The following RPS6KA2 variants were observed in gnomAD, a reference collection of about 807,000 sequenced individuals.
RPS6KA2 encodes ribosomal protein S6 kinase A2.
In RPS6KA2, 42 loss-of-function variants were observed where a neutral mutation model predicts 91.8. That is an observed-to-expected ratio of 0.46 (90% confidence interval 0.36 to 0.59). The LOEUF (loss-of-function observed/expected upper bound fraction) is 0.59, where lower values mean the gene tolerates loss of function less well. Ranked by LOEUF, RPS6KA2 falls within the 20% of genes least tolerant of loss-of-function variation. The probability of loss-of-function intolerance (pLI) is 0.00; values close to 1 mark genes in which losing one functional copy is unlikely to be tolerated. For missense variants in RPS6KA2, 798 were observed against 978.5 expected, an observed-to-expected ratio of 0.82 and a Z score of 2.46; for synonymous variants, 414 against 393.6, an observed-to-expected ratio of 1.05 and a Z score of -0.61.
intron 20 of RPS6KA2, among the ~76,000 whole-genome samples, chr6:166,413,189 G>C (rs995361885): frequency 1.3e-5 from 2 of 151,946 alleles, no homozygotes; most frequent in Admixed American, 6.5e-5. Context: ...CTGAGGTCAC[G>C]TGATCCCCTG....
intron 11 of RPS6KA2, chr6:166,463,128 A>G (rs1261869129): frequency 1.3e-5 from 2 of 152,400 alleles, no homozygotes; most frequent in Non-Finnish European, 2.9e-5. Flanking sequence ...AGGCCGGTCA[A>G]TGTCTTCCTG....
intron 2 of RPS6KA2, among the ~76,000 whole-genome samples, chr6:166,531,772 C>T (rs1188627122): frequency 6.8e-6 from 1 of 147,660 alleles, no homozygotes; most frequent in African/African-American, 2.7e-5. Context: ...CTGTCTTCAC[C>T]CAAATTTTAG....
At chr6:166,529,758 G>A (rs11962104) in intron 3 of RPS6KA2, among the ~76,000 whole-genome samples, 28,248 of 152,070 alleles carry the variant, frequency 0.19, 2,778 homozygotes, top group South Asian at 0.25. Flanking sequence ...TGATGATTCA[G>A]TAGATCAGGA....
chr6:166,532,844 A>AGAGAGT (rs573257516), intron 2 of RPS6KA2, among the ~76,000 whole-genome samples: 34 of 149,580 alleles, frequency 2.3e-4, no homozygotes, highest in African/African-American at 8.1e-4. Context: ...AGAGAGAGAG[A>AGAGAGT]GTGTGTGTGT....
At chr6:166,440,477 C>A (rs1409216695) in intron 14 of RPS6KA2, 2 of 152,200 alleles carry the variant, frequency 1.3e-5, no homozygotes, top group African/African-American at 4.8e-5. Context: ...TGAAACAAAT[C>A]TGATTTTCCA....
At chr6:166,742,554 G>A (rs1790845304) in intron 2 of RPS6KA2, among the ~76,000 whole-genome samples, 1 of 152,154 alleles carries the variant, frequency 6.6e-6, no homozygotes, top group African/African-American at 2.4e-5. Context: ...AGCTGTGGCA[G>A]CTCTCCCTGC....
Position 166,852,208 on chromosome 6 carries a change from T to G in RPS6KA2, c.123+5992A>C, listed in dbSNP as rs993873323. On this transcript the variant is annotated intron_variant, in intron 2 of 21. Transcript: ENST00000503859. The surrounding 1 kb of genome is among the most constrained non-coding windows in gnomAD (Gnocchi z 4.1). ...AAATACAAATGCAAATAGACTGCCATCATGGTGACTTATGTAACACCAGCT... is the reference window on the plus strand; with the variant it reads ...AAATACAAATGCAAATAGACTGCCAGCATGGTGACTTATGTAACACCAGCT... Among the ~76,000 whole-genome samples the G allele has an allele frequency of 6.6e-6, 1 of 152,222 alleles. No individual in the cohort carries two copies. The highest frequency in any genetic ancestry group is 2.4e-5 in the African/African-American group (1 of 41,460).
rs139693485 is a variant in RPS6KA2 at position 166,746,637 on chromosome 6, G to A, written c.123+111563C>T. 9.5e-4 allele frequency among the ~76,000 whole-genome samples: 144 copies of A among 152,298 alleles called. 1 individual carries two copies. Among genetic ancestry groups the A allele is most frequent in the South Asian group, 7.1e-3 (34 of 4,822 alleles). On this transcript the variant is annotated intron_variant, in intron 2 of 21. Coordinates refer to the RPS6KA2 transcript ENST00000503859. ...CTACCCCTCACTTCAGATGCCAGTCGTAAGCCCCAGGCTGTAGCCTGTGCT... is the reference window on the plus strand; with the variant it reads ...CTACCCCTCACTTCAGATGCCAGTCATAAGCCCCAGGCTGTAGCCTGTGCT...
intron 1 of RPS6KA2, among the ~76,000 whole-genome samples, chr6:166,860,969 T>C (rs1261669206): frequency 1.3e-5 from 2 of 152,232 alleles, no homozygotes; most frequent in Non-Finnish European, 2.9e-5. Context: ...CCCCAGGTAC[T>C]TTCCATGAGC....
At chr6:166,550,298 A>G (rs145419015) in intron 1 of RPS6KA2, among the ~76,000 whole-genome samples, 61 of 152,322 alleles carry the variant, frequency 4.0e-4, no homozygotes, top group Non-Finnish European at 7.8e-4. Context: ...GCACTGAACT[A>G]TAATGGAAAG....
At chr6:166,525,521 A>G (rs577492461) in intron 3 of RPS6KA2, among the ~76,000 whole-genome samples, 49 of 152,200 alleles carry the variant, frequency 3.2e-4, no homozygotes, top group Admixed American at 1.6e-3. Flanking sequence ...TTGTTTGGAG[A>G]TCAAATGGAG....
rs542417098 is a variant in RPS6KA2, at chr6:166,590,378, G to A, written c.99+36543C>T. 2.0e-5 allele frequency among the ~76,000 whole-genome samples: 3 copies of A among 152,310 alleles called. No individual in the cohort carries two copies. In the East Asian group the frequency reaches 5.8e-4, roughly 29 times the overall value. ...AAGATTAAGTTCACAGATTCCCAGT[G>A]TGAACTCCGTGTCAGACTCTGCTTT... On this transcript the variant is annotated intron_variant, in intron 1 of 20. Coordinates refer to ENST00000265678, the MANE Select transcript of RPS6KA2 (RefSeq NM_021135.6).
At chr6:166,636,228 C>T (rs1787237848) in intron 2 of RPS6KA2, among the ~76,000 whole-genome samples, 1 of 151,930 alleles carries the variant, frequency 6.6e-6, no homozygotes, top group African/African-American at 2.4e-5. Context: ...CCTTCCTCTG[C>T]CTGGGCCCCT....
At position 166,767,239 on chromosome 6, in the gene RPS6KA2, G is replaced by A. The variant is rs1272427487; in HGVS notation, c.123+90961C>T. Among the ~76,000 whole-genome samples, 2 of 152,116 alleles carry A rather than the reference G, an allele frequency of 1.3e-5. No individual in the cohort carries two copies. Among genetic ancestry groups the A allele is most frequent in the African/African-American group, 2.4e-5 (1 of 41,412 alleles). On this transcript the variant is annotated intron_variant, in intron 2 of 21. Transcript: ENST00000503859. This position sits in a 1 kb window ranked among gnomAD's most constrained non-coding sequence, Gnocchi z 4.6. ...CGCCTATCACCTCCCCATGAGCAAC[G>A]CCATCAAAAAGCAAAATACAACTGC...
intron 2 of RPS6KA2, among the ~76,000 whole-genome samples, chr6:166,740,367 T>A (rs557299259): frequency 6.6e-6 from 1 of 152,346 alleles, no homozygotes; most frequent in African/African-American, 2.4e-5. Context: ...ACAGTTAAAA[T>A]CTATCAAAGT....
At chr6:166,438,332 T>C (rs878969312) in intron 14 of RPS6KA2, among the ~76,000 whole-genome samples, 1 of 152,218 alleles carries the variant, frequency 6.6e-6, no homozygotes, top group Admixed American at 6.5e-5. Context: ...AAACACCACG[T>C]TCTTTTCAAC....
chr6:166,411,233 G>A lies in RPS6KA2; in HGVS notation c.*1529C>T, dbSNP rs1413126621. 6.7e-6 allele frequency: 1 copy of A among 148,360 alleles called. No homozygotes were observed. The highest frequency in any genetic ancestry group is 1.5e-5 in the Non-Finnish European group (1 of 67,410). The allele number at this position is 148,360 out of a possible 1,614,324, so 9.2% of individuals were successfully genotyped here. On this transcript the variant is annotated 3_prime_UTR_variant, in exon 21 of 21. Coordinates refer to ENST00000265678, the MANE Select transcript of RPS6KA2 (RefSeq NM_021135.6). This position sits in a 1 kb window ranked among gnomAD's most constrained non-coding sequence, Gnocchi z 4.5. ...TTTTTTCTTTATTTTTTTTTTTTTA[G>A]TTGGGTACGAGAATCGAGATGGAGG...
rs946933516 is a variant in RPS6KA2 at position 166,762,356 on chromosome 6, C to A, written c.123+95844G>T. Among the ~76,000 whole-genome samples the A allele has an allele frequency of 3.3e-5, 5 of 152,128 alleles. No individual in the cohort carries two copies. The East Asian group carries it at 9.6e-4, about 29-fold the overall frequency. On this transcript the variant is annotated intron_variant, in intron 2 of 21. Coordinates refer to the RPS6KA2 transcript ENST00000503859. ...ATTGGTATGCATGTGTGTGTTCATG[C>A]AGTGTGCGTGTGTGTGTTTGTATGT...
intron 2 of RPS6KA2, among the ~76,000 whole-genome samples, chr6:166,640,410 A>G (rs554886718): frequency 6.6e-6 from 1 of 152,364 alleles, no homozygotes; most frequent in South Asian, 2.1e-4. Context: ...AAAGCCAGAC[A>G]GGGGGAGCTG....
Sources: gnomAD v4.1 joint callset for allele counts (sites outside exome capture counted in the v4.1 genomes callset) on GRCh38, gnomAD v4.1.1 for gene constraint, Gnocchi (gnomAD v3.1) non-coding constraint, MANE v1.5 for transcripts, NCBI Gene and HGNC (gene_info 2026-07-23, HGNC 2026-07-21) for gene names.